The following CFAP299 variants were observed in gnomAD, a reference collection of about 807,000 sequenced individuals.
CFAP299 encodes cilia- and flagella-associated protein 299.
Under a neutral mutation model 27.0 loss-of-function variants are expected in CFAP299, and 21 were observed. The observed-to-expected ratio is 0.78, with a 90% CI of 0.55 to 1.12. CFAP299 has a LOEUF of 1.12. Ranked by LOEUF, CFAP299 falls within the 50% of genes most tolerant of loss-of-function variation. The probability of loss-of-function intolerance (pLI) is 0.00; values close to 1 mark genes in which losing one functional copy is unlikely to be tolerated. For synonymous variants in CFAP299, 104 were observed against 98.1 expected, an observed-to-expected ratio of 1.06 and a Z score of -0.36; for missense variants, 310 against 276.6, an observed-to-expected ratio of 1.12 and a Z score of -0.86.
intron 3 of CFAP299, among the ~76,000 whole-genome samples, chr4:80,826,548 A>C (rs1729999154): frequency 6.6e-6 from 1 of 151,770 alleles, no homozygotes; most frequent in Middle Eastern, 3.2e-3. Context: ...CTAATAATAG[A>C]ACATCAAAAA....
chr4:80,807,094 TTATC>T lies in CFAP299; in HGVS notation c.334-62896_334-62893del, dbSNP rs1251678898. 4.6e-5 allele frequency among the ~76,000 whole-genome samples: 7 copies of T among 152,072 alleles called. No homozygotes were observed. In the East Asian group the frequency reaches 1.4e-3, roughly 29 times the overall value. On this transcript the variant is annotated intron_variant, in intron 3 of 5. Coordinates refer to ENST00000358105, the MANE Select transcript of CFAP299 (RefSeq NM_152770.3). ...AAGCACTGCTTTTCTTGAAATCAAATTATCTACCTGAATGAACAGAAATCTGCAG... is the reference window on the plus strand; with the variant it reads ...AAGCACTGCTTTTCTTGAAATCAAATTACCTGAATGAACAGAAATCTGCAG...
intron 4 of CFAP299, among the ~76,000 whole-genome samples, chr4:80,902,069 G>A (rs1734927755): frequency 6.6e-6 from 1 of 151,994 alleles, no homozygotes; most frequent in African/African-American, 2.4e-5. Flanking sequence ...TAACAAAACT[G>A]TGATATTTTC....
intron 2 of CFAP299, among the ~76,000 whole-genome samples, chr4:80,464,230 G>A (rs953471962): frequency 6.6e-6 from 1 of 152,098 alleles, no homozygotes; most frequent in Non-Finnish European, 1.5e-5. Context: ...ATTGCTTGCT[G>A]CAATATTTAC....
chr4:80,924,538 G>GTGTATATATATA (rs5859742), intron 4 of CFAP299, among the ~76,000 whole-genome samples: 4 of 131,670 alleles, frequency 3.0e-5, no homozygotes, highest in African/African-American at 1.3e-4. Context: ...GTGTGTGTGT[G>GTGTATATATATA]TATATATATA....
chr4:80,583,243 A>G, intron 3 of CFAP299, 60 bp downstream of exon 3: 6 of 918,642 alleles, frequency 6.5e-6, no homozygotes, highest in Non-Finnish European at 9.9e-6. Context: ...TTAATATTAA[A>G]AAATGTAACA....
chr4:80,706,168 A>G (rs1721806559), intron 3 of CFAP299, among the ~76,000 whole-genome samples: 1 of 151,900 alleles, frequency 6.6e-6, no homozygotes. Flanking sequence ...TTTGACTTCA[A>G]ATGTAGGCTC....
chr4:80,519,175 AAT>A (rs572824986), intron 2 of CFAP299, among the ~76,000 whole-genome samples: 56 of 125,638 alleles, frequency 4.5e-4, no homozygotes, highest in African/African-American at 2.3e-3. Flanking sequence ...GTACTCTGTT[AAT>A]ATGTGTGTGT....
At chr4:80,773,653 C>A (rs1375213301) in intron 3 of CFAP299, among the ~76,000 whole-genome samples, 1 of 151,692 alleles carries the variant, frequency 6.6e-6, no homozygotes, top group East Asian at 1.9e-4. Flanking sequence ...TTATCAGAGC[C>A]TTGTTATGTT....
chr4:80,510,244 ATCTG>A (rs1258932113), intron 2 of CFAP299, among the ~76,000 whole-genome samples: 2 of 152,136 alleles, frequency 1.3e-5, no homozygotes, highest in South Asian at 4.1e-4. Flanking sequence ...GTTAATTGTC[ATCTG>A]TCTATCTTCT....
intron 4 of CFAP299, among the ~76,000 whole-genome samples, chr4:80,874,097 C>G (rs1348466819): frequency 6.6e-6 from 1 of 152,086 alleles, no homozygotes; most frequent in Non-Finnish European, 1.5e-5. Context: ...GGCTGATTCT[C>G]AAGTTTAAAA....
intron 2 of CFAP299, chr4:80,387,387 G>A (rs1725072811): frequency 7.9e-6 from 9 of 1,143,824 alleles, no homozygotes; most frequent in African/African-American, 6.1e-5. Context: ...GACTTGAGCT[G>A]GAAATAGGTG....
chr4:80,468,661 C>A (rs1392730640), intron 2 of CFAP299, among the ~76,000 whole-genome samples: 1 of 150,942 alleles, frequency 6.6e-6, no homozygotes, highest in Non-Finnish European at 1.5e-5. Context: ...ATGGTGAAAC[C>A]CCATCTCTAC....
the CFAP299 span, among the ~76,000 whole-genome samples, chr4:80,324,354 G>A: frequency 1.3e-5 from 2 of 152,052 alleles, no homozygotes; most frequent in Non-Finnish European, 2.9e-5. Flanking sequence ...GCCTCTAAAA[G>A]CACTCTGCAA....
chr4:80,554,070 T>C (rs6535002), intron 2 of CFAP299, among the ~76,000 whole-genome samples: 150,682 of 152,222 alleles, frequency 0.99, 74,593 homozygotes, highest in Middle Eastern at 1. Context: ...TTTGCTCATT[T>C]GTATGTCCAG....
At chr4:80,363,338 A>G (rs1308759640) in intron 2 of CFAP299, among the ~76,000 whole-genome samples, 1 of 152,186 alleles carries the variant, frequency 6.6e-6, no homozygotes. Flanking sequence ...TTAGTATATA[A>G]TATGTGGTTA....
At chr4:80,427,619 A>C (rs1727591011) in intron 2 of CFAP299, among the ~76,000 whole-genome samples, 1 of 152,186 alleles carries the variant, frequency 6.6e-6, no homozygotes, top group Non-Finnish European at 1.5e-5. Context: ...TGGATCCTCA[A>C]AGAGTTATGT....
At chr4:80,844,509 G>A (rs539826798) in intron 3 of CFAP299, among the ~76,000 whole-genome samples, 6 of 152,246 alleles carry the variant, frequency 3.9e-5, no homozygotes, top group African/African-American at 7.2e-5. Context: ...GGCCAGTGAC[G>A]ATGAGCATTT....
At chr4:80,634,389 T>C (rs1739386752) in intron 3 of CFAP299, among the ~76,000 whole-genome samples, 1 of 152,164 alleles carries the variant, frequency 6.6e-6, no homozygotes, top group Non-Finnish European at 1.5e-5. Flanking sequence ...GGCAATTTAC[T>C]TAATCTTTTT....
At chr4:80,767,108 T>C (rs1725911157) in intron 3 of CFAP299, among the ~76,000 whole-genome samples, 2 of 152,104 alleles carry the variant, frequency 1.3e-5, no homozygotes, top group African/African-American at 2.4e-5. Flanking sequence ...TACGTACATA[T>C]ACAAATACAT....
Sources: gnomAD v4.1 joint callset for allele counts (sites outside exome capture counted in the v4.1 genomes callset) on GRCh38, gnomAD v4.1.1 for gene constraint, MANE v1.5 for transcripts, NCBI Gene and HGNC (gene_info 2026-07-23, HGNC 2026-07-21) for gene names.